Variants in CSMD1 observed in about 807,000 individuals in gnomAD.
CSMD1 encodes CUB and sushi domain-containing protein 1.
Under a neutral mutation model 417.5 loss-of-function variants are expected in CSMD1, and 213 were observed. The observed-to-expected ratio is 0.51, with a 90% CI of 0.46 to 0.57. The LOEUF is 0.57. Among genes scored for constraint, CSMD1 ranks in the 20% least tolerant of loss-of-function variants. The pLI, the probability that CSMD1 is intolerant of heterozygous loss-of-function variation, is 0.00. For missense variants in CSMD1, 6,923 were observed against 4,529.7 expected (o/e 1.53, Z -15.17); for synonymous variants, 2,862 against 1,736.8 (o/e 1.65, Z -16.11).
At chr8:4,837,126 T>C (rs1307822867) in intron 1 of CSMD1, among the ~76,000 whole-genome samples, 1 of 151,916 alleles carries the variant, frequency 6.6e-6, no homozygotes, top group Non-Finnish European at 1.5e-5. Context: ...TTCTAATAGA[T>C]CCAAATAATG....
In CSMD1 at chr8:3,908,443, G is replaced by T. The variant is rs980593563; in HGVS notation, c.818+89460C>A. ...ATGTAAGCACAAAACTTTGCTCGCA[G>T]ATTTTCGGTGCACACACATTCCCTG... On this transcript the variant is annotated intron_variant, in intron 5 of 69. Coordinates refer to ENST00000635120, the MANE Select transcript of CSMD1 (RefSeq NM_033225.6). Among the ~76,000 whole-genome samples the T allele has an allele frequency of 2.0e-5, 3 of 152,256 alleles. No individual in the cohort carries two copies. In the East Asian group the frequency reaches 5.8e-4, roughly 29 times the overall value.
At chr8:4,093,255 C>G (rs1009788184) in intron 3 of CSMD1, among the ~76,000 whole-genome samples, 3 of 130,578 alleles carry the variant, frequency 2.3e-5, no homozygotes, top group African/African-American at 7.7e-5. Context: ...GCTAATTAAG[C>G]TAAAAAATCA....
chr8:3,678,810 G>T (rs1028041862), intron 7 of CSMD1, among the ~76,000 whole-genome samples: 19 of 152,096 alleles, frequency 1.2e-4, no homozygotes, highest in Non-Finnish European at 2.2e-4. Flanking sequence ...ACCCACAAAG[G>T]GAAGCCCATC....
In CSMD1 at chr8:3,704,458, C is replaced by T. The variant is rs138532173; in HGVS notation, c.1009+3956G>A. On this transcript the variant is annotated intron_variant, in intron 7 of 69. Transcript: ENST00000635120. Reference sequence around the variant, plus strand: ...GTGGTACTTTGTACTTGCCTAGGGACATAACCACAACAACATAAATAAGGG... The same window carrying T: ...GTGGTACTTTGTACTTGCCTAGGGATATAACCACAACAACATAAATAAGGG... Among the ~76,000 whole-genome samples the T allele has an allele frequency of 2.8e-3, 423 of 152,284 alleles. 2 individuals carry two copies. The highest frequency in any genetic ancestry group is 0.02 in the Middle Eastern group (6 of 294).
chr8:3,864,614 C>A (rs561124500), intron 5 of CSMD1, among the ~76,000 whole-genome samples: 2 of 152,068 alleles, frequency 1.3e-5, no homozygotes. Flanking sequence ...GTTATCCCTC[C>A]CCAGTAACCC....
chr8:3,253,689 C>G (rs1282394444), intron 26 of CSMD1, among the ~76,000 whole-genome samples: 3 of 152,028 alleles, frequency 2.0e-5, no homozygotes, highest in Admixed American at 1.3e-4. Context: ...TCTCTAAGGA[C>G]TTGCTTTATG....
chr8:3,937,608 A>C (rs1810591907), intron 5 of CSMD1, among the ~76,000 whole-genome samples: 1 of 152,168 alleles, frequency 6.6e-6, no homozygotes, highest in African/African-American at 2.4e-5. Context: ...TGGGGAACCC[A>C]CAATATCATG....
intron 10 of CSMD1, among the ~76,000 whole-genome samples, chr8:3,556,552 C>CACACACACACACCCT (rs1554468421): frequency 1.4e-5 from 2 of 139,738 alleles, no homozygotes; most frequent in African/African-American, 5.5e-5. Flanking sequence ...ACACACACAC[C>CACACACACACACCCT]CTCTCTCTCT....
intron 50 of CSMD1, among the ~76,000 whole-genome samples, chr8:3,036,236 T>C (rs1375112791): frequency 6.6e-6 from 1 of 152,222 alleles, no homozygotes; most frequent in African/African-American, 2.4e-5. Flanking sequence ...AGAATAAACA[T>C]TGCTTTAAGA....
intron 3 of CSMD1, among the ~76,000 whole-genome samples, chr8:4,072,401 C>T (rs1343811608): frequency 1.3e-5 from 2 of 152,098 alleles, no homozygotes; most frequent in Non-Finnish European, 2.9e-5. Context: ...ATTCTATGTA[C>T]CAAGCATTTT....
rs184281055 is a variant in CSMD1 at position 4,014,546 on chromosome 8, G to A, written c.611-16436C>T. ...GGACTACTATGCGATCCTAATAGCCGTTATTGGTATTAAGCACCTGGATCA... is the reference window on the plus strand; with the variant it reads ...GGACTACTATGCGATCCTAATAGCCATTATTGGTATTAAGCACCTGGATCA... On this transcript the variant is annotated intron_variant, in intron 4 of 69. Coordinates refer to ENST00000635120, the MANE Select transcript of CSMD1 (RefSeq NM_033225.6). 9.2e-5 allele frequency among the ~76,000 whole-genome samples: 14 copies of A among 152,198 alleles called. No individual in the cohort carries two copies. In the East Asian group the frequency reaches 1.9e-3, roughly 21 times the overall value.
At chr8:4,359,021 A>G (rs775276950) in intron 3 of CSMD1, among the ~76,000 whole-genome samples, 32 of 152,210 alleles carry the variant, frequency 2.1e-4, no homozygotes, top group Non-Finnish European at 4.3e-4. Flanking sequence ...ATATATACAT[A>G]TATGCCTATA....
chr8:3,306,075 G>T (rs974951650), intron 25 of CSMD1, among the ~76,000 whole-genome samples: 10 of 152,172 alleles, frequency 6.6e-5, no homozygotes, highest in African/African-American at 2.4e-4. Flanking sequence ...CTCCTTTTAT[G>T]TAGGGAGAAC....
At chr8:2,979,960 G>C (rs1291405547) in intron 54 of CSMD1, among the ~76,000 whole-genome samples, 1 of 152,190 alleles carries the variant, frequency 6.6e-6, no homozygotes, top group South Asian at 2.1e-4. Context: ...TACCTAATGT[G>C]AGAAATTCTA....
chr8:4,543,679 A>C (rs1333642771), intron 2 of CSMD1, among the ~76,000 whole-genome samples: 1 of 141,600 alleles, frequency 7.1e-6, no homozygotes, highest in Non-Finnish European at 1.6e-5. Flanking sequence ...TTGAAAAAAA[A>C]AAAAAAAAAA....
At chr8:4,378,941 C>G (rs559141206) in intron 3 of CSMD1, among the ~76,000 whole-genome samples, 1 of 152,256 alleles carries the variant, frequency 6.6e-6, no homozygotes, top group East Asian at 1.9e-4. Context: ...GTGATAAATT[C>G]CTATTATTTA....
intron 26 of CSMD1, among the ~76,000 whole-genome samples, chr8:3,239,913 G>A (rs1799388950): frequency 6.6e-6 from 1 of 151,950 alleles, no homozygotes; most frequent in Non-Finnish European, 1.5e-5. Context: ...CAGGAACAAT[G>A]GTAATTGTGG....
At chr8:3,131,400 C>T (rs7824079) in intron 41 of CSMD1, among the ~76,000 whole-genome samples, 7,494 of 150,256 alleles carry the variant, frequency 0.05, 539 homozygotes, top group African/African-American at 0.17. Context: ...AAAGAAATAT[C>T]TGCACTAAAT....
rs535703927 is a variant in CSMD1, at chr8:4,130,688, G to A, written c.416-98589C>T. Among the ~76,000 whole-genome samples the A allele has an allele frequency of 3.3e-5, 5 of 151,588 alleles. No homozygotes were observed. In the East Asian group the frequency reaches 5.8e-4, roughly 18 times the overall value. ...TTGTGATTATAATGTAATTTTAGTG[G>A]AATTTTGGAGGGGAGTAGATAACAC... On this transcript the variant is annotated intron_variant, in intron 3 of 69. Coordinates refer to ENST00000635120, the MANE Select transcript of CSMD1 (RefSeq NM_033225.6).
Sources: allele counts gnomAD v4.1 joint callset (sites outside exome capture counted in the v4.1 genomes callset), GRCh38; gene constraint gnomAD v4.1.1; transcripts MANE v1.5; gene names NCBI Gene and HGNC (gene_info 2026-07-23, HGNC 2026-07-21).